The following TGFB2 variants were observed in gnomAD, a reference collection of about 807,000 sequenced individuals.
The protein encoded by TGFB2 is transforming growth factor beta-2 proprotein.
In TGFB2, 13 loss-of-function variants were observed where a neutral mutation model predicts 42.7. The observed-to-expected ratio is 0.30, with a 90% CI of 0.20 to 0.48. TGFB2 has a LOEUF of 0.48. Among genes scored for constraint, TGFB2 ranks in the 20% least tolerant of loss-of-function variants. TGFB2 has a pLI of 0.99. For synonymous variants in TGFB2, 193 were observed against 193.6 expected, an observed-to-expected ratio of 1.00 and a Z score of 0.03; for missense variants, 390 against 517.5, an observed-to-expected ratio of 0.75 and a Z score of 2.39.
chr1:218,406,770 T>C (rs1558249290), intron 2 of TGFB2, among the ~76,000 whole-genome samples: 1 of 152,112 alleles, frequency 6.6e-6, no homozygotes, highest in East Asian at 1.9e-4. Flanking sequence ...GCTCAGTGCC[T>C]GGAGGTGAGG....
chr1:218,373,061 C>G (rs1346216846), intron 1 of TGFB2, among the ~76,000 whole-genome samples: 1 of 152,046 alleles, frequency 6.6e-6, no homozygotes, highest in Non-Finnish European at 1.5e-5. Flanking sequence ...GCCTGTAATC[C>G]CAGCTACTCG....
chr1:218,383,850 C>T lies in TGFB2; in HGVS notation c.347-21319C>T, dbSNP rs191743841. On this transcript the variant is annotated intron_variant, in intron 1 of 6. Coordinates refer to ENST00000366930, the MANE Select transcript of TGFB2 (RefSeq NM_003238.6). The stretch of plus-strand genomic sequence containing the variant: ...AAGAAATATTGGCTTTGGATTTCCC[C>T]ATCTAGAAAGGTAGAGAGTAAACAT... Among the ~76,000 whole-genome samples the T allele has an allele frequency of 5.9e-5, 9 of 152,322 alleles. No homozygotes were observed. The South Asian group carries it at 1.0e-3, about 18-fold the overall frequency.
intron 1 of TGFB2, among the ~76,000 whole-genome samples, chr1:218,356,677 T>C (rs1475859379): frequency 2.6e-5 from 4 of 152,200 alleles, no homozygotes; most frequent in Non-Finnish European, 5.9e-5. Context: ...TTCTATGTAA[T>C]GTGCTTCTGG....
chr1:218,355,378 G>GGA (rs1657000065), intron 1 of TGFB2, among the ~76,000 whole-genome samples: 1 of 152,170 alleles, frequency 6.6e-6, no homozygotes, highest in Admixed American at 6.5e-5. Flanking sequence ...TAAATAAAAG[G>GGA]GAATTGTACC....
intron 2 of TGFB2, among the ~76,000 whole-genome samples, chr1:218,431,851 A>G (rs1407854701): frequency 1.3e-5 from 2 of 152,186 alleles, no homozygotes; most frequent in African/African-American, 4.8e-5. Context: ...TCAGAATTAG[A>G]TAAGTGATGT....
At chr1:218,348,077 A>G (rs537313391) in intron 1 of TGFB2, among the ~76,000 whole-genome samples, 1 of 151,836 alleles carries the variant, frequency 6.6e-6, no homozygotes, top group South Asian at 2.1e-4. Context: ...TAAAAAAAGA[A>G]AAAAAAGAAA....
chr1:218,358,619 G>C (rs1657113436), intron 1 of TGFB2, among the ~76,000 whole-genome samples: 1 of 147,186 alleles, frequency 6.8e-6, no homozygotes, highest in Admixed American at 6.8e-5. Context: ...TGCGATTTCA[G>C]CTCACTGCAA....
At chr1:218,403,721 A>G (rs535300616) in intron 1 of TGFB2, among the ~76,000 whole-genome samples, 2 of 152,226 alleles carry the variant, frequency 1.3e-5, no homozygotes, top group Admixed American at 6.5e-5. Context: ...CACAGGGGAA[A>G]CAAAATAAAC....
At chr1:218,403,654 T>C (rs921416845) in intron 1 of TGFB2, among the ~76,000 whole-genome samples, 2 of 152,064 alleles carry the variant, frequency 1.3e-5, no homozygotes, top group African/African-American at 4.8e-5. Context: ...TCCAGATACG[T>C]GGGAAAGAAG....
chr1:218,381,366 C>T (rs1296611886), intron 1 of TGFB2, among the ~76,000 whole-genome samples: 1 of 152,000 alleles, frequency 6.6e-6, no homozygotes. Flanking sequence ...CGCCATTCTC[C>T]TGCCTCAGCC....
chr1:218,375,450 AC>A (rs397736824), intron 1 of TGFB2, among the ~76,000 whole-genome samples: 3 of 151,278 alleles, frequency 2.0e-5, no homozygotes, highest in Admixed American at 6.6e-5. Context: ...AAAAAAAAAA[AC>A]CCAACATTAT....
Position 218,434,097 on chromosome 1 carries a change from G to A in TGFB2, c.526G>A (p.Asp176Asn), listed in dbSNP as rs1571901046. 11 of 1,613,898 alleles carry A rather than the reference G, an allele frequency of 6.8e-6. No homozygotes were observed. Among genetic ancestry groups the A allele is most frequent in the Non-Finnish European group, 9.3e-6 (11 of 1,179,958 alleles). ...IELYQILKSK[D>N]LTSPTQRYID... Reference sequence around the variant, plus strand: ...TCCCCTCCAGATTCTCAAGTCCAAAGATTTAACATCTCCAACCCAGCGCTA... The same window carrying A: ...TCCCCTCCAGATTCTCAAGTCCAAAAATTTAACATCTCCAACCCAGCGCTA... The change falls in exon 3 of 7, where the codon GAT becomes AAT. Residue 176 changes from aspartate to asparagine, a missense_variant. Physicochemically the swap from Asp to Asn is conservative, Grantham distance 23. Transcript: ENST00000366930.
At chr1:218,417,723 G>A (rs1425975146) in intron 2 of TGFB2, among the ~76,000 whole-genome samples, 1 of 152,194 alleles carries the variant, frequency 6.6e-6, no homozygotes, top group Non-Finnish European at 1.5e-5. Context: ...CTGGCCCAGG[G>A]TCCCTGTGCT....
chr1:218,378,309 T>C (rs1657819725), intron 1 of TGFB2, among the ~76,000 whole-genome samples: 1 of 152,118 alleles, frequency 6.6e-6, no homozygotes, highest in Non-Finnish European at 1.5e-5. Flanking sequence ...CTCGAGTAGT[T>C]GGGATTACAG....
At chr1:218,417,010 C>T (rs1659303802) in intron 2 of TGFB2, among the ~76,000 whole-genome samples, 1 of 152,146 alleles carries the variant, frequency 6.6e-6, no homozygotes, top group African/African-American at 2.4e-5. Flanking sequence ...TATAAATTGC[C>T]CAGTCTTGCA....
At chr1:218,401,575 C>T (rs949424420) in intron 1 of TGFB2, among the ~76,000 whole-genome samples, 2 of 152,108 alleles carry the variant, frequency 1.3e-5, no homozygotes, top group South Asian at 2.1e-4. Flanking sequence ...AGAGAAGGAG[C>T]GGGCCAGGAT....
chr1:218,357,773 C>T (rs1035348712), intron 1 of TGFB2, among the ~76,000 whole-genome samples: 6 of 152,304 alleles, frequency 3.9e-5, no homozygotes, highest in African/African-American at 1.2e-4. Flanking sequence ...AGCGTGTCCC[C>T]GTCCCTCAGG....
At chr1:218,435,937 T>C (rs1388893826) in intron 4 of TGFB2, 33 bp from the exon 5 acceptor site, 2 of 1,575,980 alleles carry the variant, frequency 1.3e-6, no homozygotes, top group Admixed American at 3.8e-5. Context: ...AAGGTGAAGC[T>C]AAATGTTTAT....
At chr1:218,416,331 A>G (rs1167629050) in intron 2 of TGFB2, among the ~76,000 whole-genome samples, 3 of 151,712 alleles carry the variant, frequency 2.0e-5, no homozygotes, top group African/African-American at 7.3e-5. Context: ...TATGCCAACT[A>G]TCCTGTAACC....
Sources: gnomAD v4.1 joint callset for allele counts (sites outside exome capture counted in the v4.1 genomes callset) on GRCh38, gnomAD v4.1.1 for gene constraint, MANE v1.5 for transcripts, NCBI Gene and HGNC (gene_info 2026-07-23, HGNC 2026-07-21) for gene names.